The following ASIC5 variants were observed in gnomAD, a reference collection of about 807,000 sequenced individuals.
The protein encoded by ASIC5 is acid sensing ion channel subunit family member 5, also known as bile acid-sensitive ion channel.
A neutral mutation model predicts 51.2 loss-of-function variants in ASIC5; 52 were observed. That is an observed-to-expected ratio of 1.02 (90% CI 0.81 to 1.28). The LOEUF (loss-of-function observed/expected upper bound fraction) is 1.28, where lower values mean the gene tolerates loss of function less well. Among genes scored for constraint, ASIC5 ranks in the 50% most tolerant of loss-of-function variants. The pLI, the probability that ASIC5 is intolerant of heterozygous loss-of-function variation, is 0.00. For missense variants in ASIC5, 635 were observed against 595.0 expected, an observed-to-expected ratio of 1.07 and a Z score of -0.70; for synonymous variants, 231 against 200.7, an observed-to-expected ratio of 1.15 and a Z score of -1.28.
At chr4:155,831,557 G>T (rs148507776) in intron 9 of ASIC5, among the ~76,000 whole-genome samples, 2,910 of 152,242 alleles carry the variant, frequency 0.019, 81 homozygotes, top group African/African-American at 0.065. Flanking sequence ...GGATCACGGG[G>T]TCAGGAGATC....
At chr4:155,842,422 A>G in intron 5 of ASIC5, 68 bp from the exon 6 acceptor site, 1 of 1,401,314 alleles carries the variant, frequency 7.1e-7, no homozygotes, top group Admixed American at 2.2e-5. Flanking sequence ...TCCATCAAGA[A>G]GCTGGTACAC....
chr4:155,854,198 G>A lies in ASIC5; in HGVS notation c.464C>T (p.Thr155Ile). The A allele has an allele frequency of 6.2e-7, 1 of 1,613,360 alleles. No individual in the cohort carries two copies. The highest frequency in any genetic ancestry group is 1.1e-5 in the South Asian group (1 of 91,076). ...TANSTGSREA[T>I]DFAASHQNFS... ...GTTTTGGTGACTTGCAGCAAAATCA[G>A]TAGCCTCTCTAGAGCCAGTGGAATT... is the stretch of plus-strand genomic sequence containing the variant. The change falls in exon 3 of 10, where the codon ACT becomes ATT. Residue 155 changes from threonine to isoleucine, a missense_variant. By Grantham distance (89) the Thr-to-Ile change is moderately conservative. Coordinates refer to ENST00000537611, the MANE Select transcript of ASIC5 (RefSeq NM_017419.3).
intron 6 of ASIC5, among the ~76,000 whole-genome samples, chr4:155,840,893 C>T (rs1741102113): frequency 1.3e-5 from 2 of 151,928 alleles, no homozygotes; most frequent in Admixed American, 1.3e-4. Flanking sequence ...GCTGGCACCA[C>T]CCAGAACAAA....
At chr4:155,845,682 A>C in intron 4 of ASIC5, among the ~76,000 whole-genome samples, 1 of 152,188 alleles carries the variant, frequency 6.6e-6, no homozygotes, top group East Asian at 1.9e-4. Flanking sequence ...TATCTAAATA[A>C]GATTGGTCTC....
chr4:155,844,359 C>G (rs780009060), intron 4 of ASIC5, among the ~76,000 whole-genome samples: 3 of 152,078 alleles, frequency 2.0e-5, no homozygotes, highest in Non-Finnish European at 4.4e-5. Context: ...GGAGTTTCCA[C>G]TGCATCCACC....
chr4:155,831,990 T>C (rs1474493156), intron 8 of ASIC5, 75 bp from the exon 9 acceptor site: 2 of 770,148 alleles, frequency 2.6e-6, no homozygotes, highest in Non-Finnish European at 4.2e-6. Context: ...ATAAAGGTAA[T>C]ATTCATTTTT....
intron 5 of ASIC5, among the ~76,000 whole-genome samples, chr4:155,843,230 T>C (rs528675216): frequency 1.3e-5 from 2 of 152,102 alleles, no homozygotes; most frequent in Non-Finnish European, 2.9e-5. Flanking sequence ...AAGAAAAATA[T>C]TACCCCTTCC....
chr4:155,838,733 C>T (rs760658286), intron 7 of ASIC5, 80 bp downstream of exon 7: 1 of 811,224 alleles, frequency 1.2e-6, no homozygotes, highest in East Asian at 2.6e-5. Flanking sequence ...CTGGGCTATC[C>T]ATAGTTTGAC....
intron 2 of ASIC5, among the ~76,000 whole-genome samples, chr4:155,859,634 CT>C (rs1183331916): frequency 3.3e-5 from 5 of 151,740 alleles, no homozygotes; most frequent in African/African-American, 7.3e-5. Flanking sequence ...TTAAGCTTTA[CT>C]TTTTTTTCAA....
At chr4:155,864,218 A>T (rs1320869887) in intron 1 of ASIC5, among the ~76,000 whole-genome samples, 2 of 152,198 alleles carry the variant, frequency 1.3e-5, no homozygotes, top group African/African-American at 4.8e-5. Context: ...ATGGTGGTAT[A>T]ATTTATGGTA....
At chr4:155,845,544 A>C (rs1299781297) in intron 4 of ASIC5, among the ~76,000 whole-genome samples, 1 of 152,034 alleles carries the variant, frequency 6.6e-6, no homozygotes, top group African/African-American at 2.4e-5. Flanking sequence ...GTTAAAAAAA[A>C]ATTTAAGTGC....
chr4:155,852,120 C>T (rs1186693491), intron 4 of ASIC5, 71 bp downstream of exon 4: 1 of 1,536,840 alleles, frequency 6.5e-7, no homozygotes, highest in African/African-American at 1.4e-5. Flanking sequence ...TGATATGGCC[C>T]AATAGTCTGA....
chr4:155,839,052 T>A (rs375120468), intron 6 of ASIC5, among the ~76,000 whole-genome samples, 183 bp from the exon 7 acceptor site: 2 of 152,144 alleles, frequency 1.3e-5, no homozygotes, highest in African/African-American at 4.8e-5. Flanking sequence ...AGTGAAAATA[T>A]GTGTTGGGAG....
chr4:155,860,222 A>T (rs1419700452), intron 2 of ASIC5, among the ~76,000 whole-genome samples: 2 of 151,888 alleles, frequency 1.3e-5, no homozygotes, highest in Admixed American at 6.6e-5. Context: ...GTAAATCCTT[A>T]TCCTATTTTA....
Position 155,852,279 on chromosome 4 carries a change from A to T in ASIC5, c.623T>A (p.Phe208Tyr). Residue 208 changes from phenylalanine (F) to tyrosine (Y), a missense_variant, in exon 4 of 10, where the codon TTT becomes TAT. Phe to Tyr is a conservative substitution (Grantham distance 22, BLOSUM62 3). Transcript: ENST00000537611. ...GAGAGTTTCACCATGATTAAAAGTA[A>T]AACAATTTCCATATTCAGTGAAGAC... is the stretch of plus-strand genomic sequence containing the variant. The part of the protein sequence containing the change: ...AHVFTEYGNC[F>Y]TFNHGETLQA... 6.3e-7 allele frequency: 1 copy of T among 1,597,110 alleles called. No homozygotes were observed.
intron 7 of ASIC5, among the ~76,000 whole-genome samples, chr4:155,838,043 AG>A (rs1465255403): frequency 1.3e-5 from 2 of 152,210 alleles, no homozygotes; most frequent in African/African-American, 4.8e-5. Flanking sequence ...ACATAAAAAA[AG>A]ATTCCTTCTA....
chr4:155,852,265 C>T lies in ASIC5; in HGVS notation c.637G>A (p.Gly213Ser). ...EYGNCFTFNH[G>S]ETLQAKRKVS... is the part of the protein sequence containing the mutation. ...TTTCTCTTTGCTTGGAGAGTTTCAC[C>T]ATGATTAAAAGTAAAACAATTTCCA... Residue 213 changes from glycine (G) to serine (S), a missense_variant, in exon 4 of 10, where the codon GGT becomes AGT. Transcript: ENST00000537611. 1 of 1,601,204 alleles carries T rather than the reference C, an allele frequency of 6.2e-7. No individual in the cohort carries two copies. Among genetic ancestry groups the T allele is most frequent in the Non-Finnish European group, 8.5e-7 (1 of 1,175,246 alleles).
At chr4:155,851,774 C>T (rs1373125886) in intron 4 of ASIC5, among the ~76,000 whole-genome samples, 1 of 151,850 alleles carries the variant, frequency 6.6e-6, no homozygotes, top group Non-Finnish European at 1.5e-5. Context: ...CATCACTTTT[C>T]CAGATATGCA....
chr4:155,854,410 A>G (rs1480072532), intron 2 of ASIC5, 96 bp from the exon 3 acceptor site: 9 of 885,676 alleles, frequency 1.0e-5, no homozygotes, highest in African/African-American at 3.4e-5. Flanking sequence ...GCTTCTTCTT[A>G]TCTCCCACAC....
Sources: gnomAD v4.1 joint callset for allele counts (sites outside exome capture counted in the v4.1 genomes callset) on GRCh38, gnomAD v4.1.1 for gene constraint, MANE v1.5 for transcripts, NCBI Gene and HGNC (gene_info 2026-07-23, HGNC 2026-07-21) for gene names.